The following EVI5 variants were observed in gnomAD, a reference collection of about 807,000 sequenced individuals.
EVI5 encodes the protein ecotropic viral integration site 5, also known as ecotropic viral integration site 5 protein homolog.
EVI5 carries 73 observed loss-of-function variants against 112.0 expected under a neutral mutation model. That is an observed-to-expected ratio of 0.65 (90% CI 0.54 to 0.79). EVI5 has a LOEUF of 0.79. Ranked by LOEUF, EVI5 falls within the 30% of genes least tolerant of loss-of-function variation. The pLI is 0.00. For synonymous variants in EVI5, 305 were observed against 319.9 expected, an observed-to-expected ratio of 0.95 and a Z score of 0.50; for missense variants, 900 against 968.8, an observed-to-expected ratio of 0.93 and a Z score of 0.94.
intron 18 of EVI5, among the ~76,000 whole-genome samples, chr1:92,574,816 C>T (rs538757164): frequency 6.6e-6 from 1 of 152,080 alleles, no homozygotes; most frequent in Admixed American, 6.5e-5. Context: ...TTTATAAGGT[C>T]CTAAAAATGA....
chr1:92,692,430 G>A (rs537553132), intron 9 of EVI5, among the ~76,000 whole-genome samples: 6 of 152,206 alleles, frequency 3.9e-5, no homozygotes, highest in Non-Finnish European at 7.3e-5. Context: ...TCTATATGAT[G>A]TCTCCACACA....
intron 1 of EVI5, among the ~76,000 whole-genome samples, chr1:92,770,762 C>G (rs1479218616): frequency 6.6e-6 from 1 of 151,728 alleles, no homozygotes; most frequent in Non-Finnish European, 1.5e-5. Context: ...TGAACTCCAG[C>G]CTGGGCGACA....
At chr1:92,641,810 T>C (rs1156760684) in intron 13 of EVI5, among the ~76,000 whole-genome samples, 1 of 152,206 alleles carries the variant, frequency 6.6e-6, no homozygotes, top group African/African-American at 2.4e-5. Flanking sequence ...ACTGTTGTAC[T>C]ATTTAAGTAT....
chr1:92,542,243 G>A (rs1231135109), intron 19 of EVI5, among the ~76,000 whole-genome samples: 3 of 152,080 alleles, frequency 2.0e-5, no homozygotes, highest in African/African-American at 7.2e-5. Flanking sequence ...TCTTTACCAG[G>A]AGAAGATTCT....
chr1:92,640,557 C>A (rs1449534731), intron 13 of EVI5, among the ~76,000 whole-genome samples: 1 of 152,168 alleles, frequency 6.6e-6, no homozygotes, highest in Non-Finnish European at 1.5e-5. Context: ...CAATGAGATA[C>A]CATCTCATGC....
At chr1:92,668,524 C>T (rs758957340) in intron 10 of EVI5, among the ~76,000 whole-genome samples, 1 of 152,162 alleles carries the variant, frequency 6.6e-6, no homozygotes, top group Non-Finnish European at 1.5e-5. Context: ...AAAGTTATGA[C>T]AGAAATCATG....
intron 10 of EVI5, among the ~76,000 whole-genome samples, chr1:92,672,996 C>G (rs1666121434): frequency 6.6e-6 from 1 of 152,132 alleles, no homozygotes; most frequent in Non-Finnish European, 1.5e-5. Context: ...AATATTTGAG[C>G]TTTCTGAAGC....
In EVI5 at chr1:92,590,106, CCCATCTGTACGTCA is replaced by C. The variant is rs532817154; in HGVS notation, c.2070+15187_2070+15200del. ...ACAGAAAGGACATCCACACCAAAAC[CCCATCTGTACGTCA>C]CCATCATCGAAGACCAAACGTAGAT... is the stretch of plus-strand genomic sequence containing the variant. On this transcript the variant is annotated intron_variant, in intron 18 of 19. Coordinates refer to ENST00000684568, the MANE Select transcript of EVI5 (RefSeq NM_001350197.2). Among the ~76,000 whole-genome samples, 120 of 152,260 alleles carry C rather than the reference CCCATCTGTACGTCA, an allele frequency of 7.9e-4. 1 individual carries two copies. The highest frequency in any genetic ancestry group is 2.7e-3 in the African/African-American group (113 of 41,550).
intron 8 of EVI5, among the ~76,000 whole-genome samples, 166 bp downstream of exon 8, chr1:92,694,133 A>C (rs998935240): frequency 6.6e-6 from 1 of 151,968 alleles, no homozygotes; most frequent in African/African-American, 2.4e-5. Flanking sequence ...GTAGTGGTGC[A>C]TGCTTGTAAT....
chr1:92,587,784 C>T (rs1010433521), intron 18 of EVI5, among the ~76,000 whole-genome samples: 2 of 152,218 alleles, frequency 1.3e-5, no homozygotes, highest in Non-Finnish European at 1.5e-5. Context: ...AGTAGACCTA[C>T]ACTCTTTTAA....
At chr1:92,531,169 A>C (rs1273986283) in intron 19 of EVI5, among the ~76,000 whole-genome samples, 1 of 152,026 alleles carries the variant, frequency 6.6e-6, no homozygotes, top group Non-Finnish European at 1.5e-5. Context: ...AAACAGATCA[A>C]GCAGAAGAAA....
At chr1:92,530,941 C>G (rs894298292) in intron 19 of EVI5, among the ~76,000 whole-genome samples, 1 of 151,882 alleles carries the variant, frequency 6.6e-6, no homozygotes, top group South Asian at 2.1e-4. Context: ...CTGAGTCTGA[C>G]GAATTGACAG....
upstream of EVI5, among the ~76,000 whole-genome samples, chr1:92,789,321 T>C (rs1296465306): frequency 1.3e-5 from 2 of 149,052 alleles, no homozygotes; most frequent in Non-Finnish European, 3.0e-5. Flanking sequence ...CTTCTTCTTC[T>C]TTTTTTTTTC....
intron 18 of EVI5, among the ~76,000 whole-genome samples, chr1:92,566,354 T>C (rs1669491631): frequency 1.3e-5 from 2 of 152,158 alleles, no homozygotes; most frequent in Non-Finnish European, 1.5e-5. Context: ...GATGGTCCCA[T>C]AAGATTATAA....
rs1405479662 is a variant in EVI5 at position 92,532,715 on chromosome 1, T to TA, written c.2167-18746dup. ...GTAAATAACAAAATGAAGGCAGAAA[T>TA]AAAGATGTTCTTTGAATCCAATGAG... On this transcript the variant is annotated intron_variant, in intron 19 of 19. Coordinates refer to ENST00000684568, the MANE Select transcript of EVI5 (RefSeq NM_001350197.2). Among the ~76,000 whole-genome samples, 8 of 152,216 alleles carry TA rather than the reference T, an allele frequency of 5.3e-5. No individual in the cohort carries two copies. The East Asian group carries it at 1.4e-3, about 26-fold the overall frequency.
At chr1:92,745,374 T>C (rs1679111505) in intron 1 of EVI5, among the ~76,000 whole-genome samples, 1 of 152,220 alleles carries the variant, frequency 6.6e-6, no homozygotes, top group Admixed American at 6.5e-5. Context: ...ATATTAAATA[T>C]TGTGACATTC....
chr1:92,581,311 A>G (rs1671898931), intron 18 of EVI5, among the ~76,000 whole-genome samples: 6 of 152,248 alleles, frequency 3.9e-5, no homozygotes, highest in Admixed American at 3.9e-4. Context: ...TTGGGGGAAT[A>G]TATCACAAAA....
chr1:92,559,155 TG>T (rs2100845007), intron 19 of EVI5, among the ~76,000 whole-genome samples: 1 of 152,318 alleles, frequency 6.6e-6, no homozygotes, highest in Non-Finnish European at 1.5e-5. Flanking sequence ...CAATATAAAC[TG>T]TTATACTGTA....
chr1:92,674,062 C>G (rs567619326), intron 10 of EVI5, among the ~76,000 whole-genome samples: 44 of 152,138 alleles, frequency 2.9e-4, no homozygotes, highest in South Asian at 6.2e-4. Flanking sequence ...TAAAAAGAAC[C>G]AAGGCAAGAA....
Sources: allele counts gnomAD v4.1 joint callset (sites outside exome capture counted in the v4.1 genomes callset), GRCh38; gene constraint gnomAD v4.1.1; transcripts MANE v1.5; gene names NCBI Gene and HGNC (gene_info 2026-07-23, HGNC 2026-07-21).